Variants in ATP13A4 observed in about 807,000 individuals in gnomAD.
ATP13A4 encodes probable cation-transporting ATPase 13A4.
In ATP13A4, 114 loss-of-function variants were observed where a neutral mutation model predicts 142.5. That is an observed-to-expected ratio of 0.80 (90% CI 0.69 to 0.93). The LOEUF is 0.93. ATP13A4 is among the 40% of genes least tolerant of loss of function. ATP13A4 has a pLI of 0.00. For synonymous variants in ATP13A4, 488 were observed against 514.8 expected (o/e 0.95, Z 0.70); for missense variants, 1,392 against 1,454.0 (o/e 0.96, Z 0.69).
At chr3:193,484,384 CATA>C (rs1228820010) in intron 7 of ATP13A4, among the ~76,000 whole-genome samples, 2 of 151,878 alleles carry the variant, frequency 1.3e-5, no homozygotes, top group Non-Finnish European at 2.9e-5. Flanking sequence ...GCTACTTCCT[CATA>C]ATATTTGCTG....
chr3:193,539,510 A>T (rs954407540), intron 1 of ATP13A4, among the ~76,000 whole-genome samples: 9 of 152,230 alleles, frequency 5.9e-5, no homozygotes, highest in Non-Finnish European at 1.5e-5. Flanking sequence ...TGGAGAAAGA[A>T]TACTTTCTGG....
At chr3:193,411,885 A>C (rs1271136166) in intron 27 of ATP13A4, among the ~76,000 whole-genome samples, 1 of 152,234 alleles carries the variant, frequency 6.6e-6, no homozygotes, top group Non-Finnish European at 1.5e-5. Flanking sequence ...AGTACTGACA[A>C]GTAGAGAAAT....
chr3:193,455,018 AAG>A, intron 16 of ATP13A4, among the ~76,000 whole-genome samples: 1 of 152,238 alleles, frequency 6.6e-6, no homozygotes, highest in East Asian at 1.9e-4. Context: ...CATTTACAAA[AAG>A]AAAAAAACAA....
Position 193,514,624 on chromosome 3 carries a change from C to A in ATP13A4, c.234+74G>T, listed in dbSNP as rs945905144. On this transcript the variant is annotated intron_variant, in intron 2 of 29. Transcript: ENST00000342695. ...CTGCTATCTGTCTTGTGCACATCTC[C>A]CCCCAGCCATCCCGTAACACATTGT... 2.3e-5 allele frequency: 36 copies of A among 1,589,382 alleles called. 1 individual carries two copies. The Admixed American group carries it at 4.2e-4, about 18-fold the overall frequency.
intron 2 of ATP13A4, among the ~76,000 whole-genome samples, chr3:193,564,652 G>T (rs2108738268): frequency 6.6e-6 from 1 of 152,304 alleles, no homozygotes; most frequent in East Asian, 1.9e-4. Context: ...CAATAAAGTA[G>T]AAAAGAGTAT....
At position 193,400,209 on chromosome 3, in the gene ATP13A4, C is replaced by T. The variant is rs1206186681; in HGVS notation, c.*2443G>A. On this transcript the variant is annotated 3_prime_UTR_variant, in exon 30 of 30. Transcript: ENST00000342695. The stretch of plus-strand genomic sequence containing the variant: ...TTTCCAGGCTGGGCACTCCCTGTTC[C>T]TTCAATTACTGCTTCTAAGATGTAG... Among the ~76,000 whole-genome samples the T allele has an allele frequency of 6.6e-6, 1 of 152,202 alleles. No individual in the cohort carries two copies. Among genetic ancestry groups the T allele is most frequent in the Non-Finnish European group, 1.5e-5 (1 of 68,034 alleles).
intron 8 of ATP13A4, among the ~76,000 whole-genome samples, chr3:193,482,766 G>GTGGA (rs980609093): frequency 6.6e-6 from 1 of 152,228 alleles, no homozygotes; most frequent in Non-Finnish European, 1.5e-5. Flanking sequence ...TGTCAAGAAT[G>GTGGA]TGGAGCACCT....
chr3:193,433,510 C>A (rs1716092354), intron 25 of ATP13A4, among the ~76,000 whole-genome samples: 2 of 152,100 alleles, frequency 1.3e-5, no homozygotes, highest in African/African-American at 4.8e-5. Flanking sequence ...AAATTGGGTA[C>A]ATTTTAACTA....
In ATP13A4 at chr3:193,412,229, C is replaced by G. The variant is rs779242390; in HGVS notation, c.3157G>C (p.Ala1053Pro). 16 of 1,613,250 alleles carry G rather than the reference C, an allele frequency of 9.9e-6. No individual in the cohort carries two copies. Among genetic ancestry groups the G allele is most frequent in the Non-Finnish European group, 1.4e-5 (16 of 1,179,340 alleles). Residue 1053 changes from alanine (A) to proline (P), a missense_variant, in exon 27 of 30, where the codon GCT becomes CCT. Ala to Pro is a conservative substitution (Grantham distance 27). Coordinates refer to ENST00000342695, the MANE Select transcript of ATP13A4 (RefSeq NM_032279.4). ...GGTTTTCCTTTAGAGAACACAAGAG[C>G]CACAGTGATACAGTTGATTGTTCCC... ...FLGTINCITV[A>P]LVFSKGKPFR...
intron 23 of ATP13A4, 29 bp from the exon 24 acceptor site, chr3:193,435,773 T>A: frequency 6.4e-7 from 1 of 1,571,434 alleles, no homozygotes; most frequent in Non-Finnish European, 8.8e-7. Flanking sequence ...GATAAAGACA[T>A]GAAAGTAATG....
In ATP13A4 at chr3:193,401,150, C is replaced by A. The variant is rs1300462339; in HGVS notation, c.*1502G>T. 6.6e-6 allele frequency among the ~76,000 whole-genome samples: 1 copy of A among 152,146 alleles called. No individual in the cohort carries two copies. The highest frequency in any genetic ancestry group is 2.4e-5 in the African/African-American group (1 of 41,440). Reference sequence around the variant, plus strand: ...CAAATGCTATTGATAAGTTCCAAAGCCAGCCTGGGCCAGGACACTTATCCC... The same window carrying A: ...CAAATGCTATTGATAAGTTCCAAAGACAGCCTGGGCCAGGACACTTATCCC... On this transcript the variant is annotated 3_prime_UTR_variant, in exon 30 of 30. Transcript: ENST00000342695.
intron 1 of ATP13A4, among the ~76,000 whole-genome samples, chr3:193,551,243 C>A (rs887663951): frequency 6.6e-6 from 1 of 152,120 alleles, no homozygotes. Flanking sequence ...GAAACACCAT[C>A]TCTTCTAAAA....
At chr3:193,504,165 A>AT (rs1720725977) in intron 2 of ATP13A4, among the ~76,000 whole-genome samples, 1 of 151,888 alleles carries the variant, frequency 6.6e-6, no homozygotes, top group Non-Finnish European at 1.5e-5. Context: ...TGTGGATTTA[A>AT]AAAAAAAGGT....
rs1719842231 is a variant in ATP13A4 at position 193,489,772 on chromosome 3, CATG to C, written c.693_695del (p.Ile231del). ...CTGTCAAAGATATGGAAATTATGGA[CATG>C]ATTATGATGGCAAAAGCATATTCCT... On this transcript the variant is annotated inframe_deletion, in exon 7 of 30. Transcript: ENST00000342695. The C allele has an allele frequency of 6.2e-7, 1 of 1,610,880 alleles. No individual in the cohort carries two copies. The highest frequency in any genetic ancestry group is 8.5e-7 in the Non-Finnish European group (1 of 1,177,280).
At position 193,467,368 on chromosome 3, in the gene ATP13A4, G is replaced by T; in HGVS notation, c.1062C>A (p.Ile354=). 1 of 1,614,138 alleles carries T rather than the reference G, an allele frequency of 6.2e-7. No homozygotes were observed. Among genetic ancestry groups the T allele is most frequent in the Non-Finnish European group, 8.5e-7 (1 of 1,180,034 alleles). The part of the protein sequence containing the change: ...RHVLFCGTEV[I]QAKAACSGTV... ...TCCCAGAGCAAGCTGCCTTGGCCTG[G>T]ATAACCTCTGTTCCACAGAAGAGGA... is the stretch of plus-strand genomic sequence containing the variant. Residue 354 remains isoleucine, a synonymous_variant, in exon 10 of 30, where the codon ATC becomes ATA. Transcript: ENST00000342695.
At chr3:193,445,919 A>G (rs1716924288) in intron 18 of ATP13A4, among the ~76,000 whole-genome samples, 1 of 152,094 alleles carries the variant, frequency 6.6e-6, no homozygotes, top group African/African-American at 2.4e-5. Flanking sequence ...TTTGAAAAAG[A>G]TAATGAGCAT....
At chr3:193,522,699 C>A (rs1721788066) in intron 1 of ATP13A4, among the ~76,000 whole-genome samples, 1 of 152,138 alleles carries the variant, frequency 6.6e-6, no homozygotes, top group Non-Finnish European at 1.5e-5. Flanking sequence ...CAGACAGGTT[C>A]GTAGGTTCCC....
At chr3:193,525,437 C>T (rs1193404142) in intron 1 of ATP13A4, among the ~76,000 whole-genome samples, 1 of 152,092 alleles carries the variant, frequency 6.6e-6, no homozygotes, top group East Asian at 1.9e-4. Flanking sequence ...TTATTATTTC[C>T]CTTTATCCCT....
chr3:193,489,836 A>G lies in ATP13A4; in HGVS notation c.632T>C (p.Leu211Pro). Reference protein sequence around the residue: ...EVLNPFYIFQLFSVCLWFSED... With the variant: ...EVLNPFYIFQPFSVCLWFSED... ...ACTAAACCACAAACAGACACTGAAGAGTTGAAATATATAAAATGGATTTAG... is the reference window on the plus strand; with the variant it reads ...ACTAAACCACAAACAGACACTGAAGGGTTGAAATATATAAAATGGATTTAG... Residue 211 changes from leucine to proline, a missense_variant, in exon 7 of 30, where the codon CTC becomes CCC. By Grantham distance (98) the Leu-to-Pro change is moderately conservative (BLOSUM62 -3). Transcript: ENST00000342695. The G allele has an allele frequency of 6.2e-7, 1 of 1,612,868 alleles. No homozygotes were observed. The highest frequency in any genetic ancestry group is 1.1e-5 in the South Asian group (1 of 91,062).
Sources: allele counts gnomAD v4.1 joint callset (sites outside exome capture counted in the v4.1 genomes callset), GRCh38; gene constraint gnomAD v4.1.1; transcripts MANE v1.5; gene names NCBI Gene and HGNC (gene_info 2026-07-23, HGNC 2026-07-21).